The following RIPOR3 variants were observed in gnomAD, a reference collection of about 807,000 sequenced individuals.
RIPOR3 encodes RIPOR family member 3.
In RIPOR3, 95 loss-of-function variants were observed where a neutral mutation model predicts 114.3. The observed-to-expected ratio is 0.83, with a 90% CI of 0.70 to 0.99. The LOEUF (loss-of-function observed/expected upper bound fraction) is 0.99, where lower values mean the gene tolerates loss of function less well. Ranked by LOEUF, RIPOR3 falls within the 50% of genes least tolerant of loss-of-function variation. The pLI is 0.00. For synonymous variants in RIPOR3, 575 were observed against 543.8 expected (o/e 1.06, Z -0.80); for missense variants, 1,252 against 1,266.9 (o/e 0.99, Z 0.18).
intron 1 of RIPOR3, among the ~76,000 whole-genome samples, chr20:50,644,906 C>A (rs1469421271): frequency 6.6e-6 from 1 of 150,584 alleles, no homozygotes; most frequent in Non-Finnish European, 1.5e-5. Context: ...GGGGCGCAAT[C>A]TTGGCTCATT....
In RIPOR3 at chr20:50,594,546, A is replaced by G. The variant is rs759347836; in HGVS notation, c.2212+7T>C. 2 of 1,612,752 alleles carry G rather than the reference A, an allele frequency of 1.2e-6. No individual in the cohort carries two copies. The highest frequency in any genetic ancestry group is 1.7e-6 in the Non-Finnish European group (2 of 1,179,112). On this transcript the variant is annotated splice_region_variant and intron_variant, in intron 17 of 21. Coordinates refer to ENST00000327979, the MANE Select transcript of RIPOR3 (RefSeq NM_001290268.2). ...GGGAGGGGACGACAGGACAGAAGGG[A>G]ACCCACCTATTTCCAGCTGTCCTGG...
intron 1 of RIPOR3, among the ~76,000 whole-genome samples, chr20:50,654,961 T>G (rs1009667083): frequency 6.6e-6 from 1 of 152,208 alleles, no homozygotes; most frequent in African/African-American, 2.4e-5. Context: ...CCATGGCTGG[T>G]CTCAAACTCC....
chr20:50,688,142 T>G (rs1299663884), intron 1 of RIPOR3, among the ~76,000 whole-genome samples: 1 of 152,108 alleles, frequency 6.6e-6, no homozygotes, highest in Non-Finnish European at 1.5e-5. Context: ...AATTTCTAAT[T>G]ATTTGTTTAT....
intron 1 of RIPOR3, among the ~76,000 whole-genome samples, chr20:50,682,097 A>G (rs2086878883): frequency 6.6e-6 from 1 of 152,224 alleles, no homozygotes; most frequent in Non-Finnish European, 1.5e-5. Context: ...AACTTGAGAC[A>G]CACTCCTGTA....
intron 1 of RIPOR3, chr20:50,662,049 ACAT>A (rs2086016229): frequency 6.6e-6 from 1 of 152,428 alleles, no homozygotes; most frequent in African/African-American, 2.4e-5. Flanking sequence ...GCCCCTCCAG[ACAT>A]CCCTGGGAGG....
At chr20:50,614,270 G>A (rs1303671384) in intron 4 of RIPOR3, among the ~76,000 whole-genome samples, 1 of 152,046 alleles carries the variant, frequency 6.6e-6, no homozygotes, top group Non-Finnish European at 1.5e-5. Context: ...TCCTGATCTC[G>A]AGTGATCCAC....
chr20:50,603,767 G>A (rs1342730109), intron 12 of RIPOR3, among the ~76,000 whole-genome samples: 1 of 152,186 alleles, frequency 6.6e-6, no homozygotes, highest in Non-Finnish European at 1.5e-5. Flanking sequence ...ACACGGACAC[G>A]AACCCTTACC....
intron 12 of RIPOR3, among the ~76,000 whole-genome samples, chr20:50,603,955 G>A (rs930364659): frequency 6.6e-6 from 1 of 152,178 alleles, no homozygotes; most frequent in Non-Finnish European, 1.5e-5. Flanking sequence ...GCCGAGGCGG[G>A]TGGATCACCT....
At chr20:50,597,779 G>C in intron 13 of RIPOR3, 69 bp from the exon 14 acceptor site, 1 of 1,561,452 alleles carries the variant, frequency 6.4e-7, no homozygotes, top group Non-Finnish European at 8.7e-7. Flanking sequence ...CACTGGCCAG[G>C]GGCCTCACGG....
At chr20:50,615,164 C>T (rs2084122375) in intron 4 of RIPOR3, among the ~76,000 whole-genome samples, 1 of 131,236 alleles carries the variant, frequency 7.6e-6, no homozygotes, top group South Asian at 2.5e-4. Flanking sequence ...TCGGTCTCTG[C>T]TAAGGGAGAG....
Position 50,602,299 on chromosome 20 carries a change from C to G in RIPOR3, c.1432G>C (p.Gly478Arg), listed in dbSNP as rs770515279. 1 of 1,613,782 alleles carries G rather than the reference C, an allele frequency of 6.2e-7. No individual in the cohort carries two copies. The highest frequency in any genetic ancestry group is 1.7e-5 in the Admixed American group (1 of 59,998). The change falls in exon 13 of 22, where the codon GGG (glycine) becomes CGG (arginine). Residue 478 changes from glycine (G) to arginine (R), a missense_variant. Physicochemically the swap from Gly to Arg is moderately radical, Grantham distance 125 (BLOSUM62 -2). Coordinates refer to ENST00000327979, the MANE Select transcript of RIPOR3 (RefSeq NM_001290268.2). This position sits in a 1 kb window ranked among gnomAD's most constrained non-coding sequence, Gnocchi z 4.3. ...AEQPGWRNLG[G>R]ESPSLPQGSL... ...CCCTGTGGCAGGCTGGGGCTCTCCCCTCCTAAGTTCCTCCAGCCAGGCTGC... is the reference window on the plus strand; with the variant it reads ...CCCTGTGGCAGGCTGGGGCTCTCCCGTCCTAAGTTCCTCCAGCCAGGCTGC...
chr20:50,666,253 C>T (rs998406125), intron 1 of RIPOR3, among the ~76,000 whole-genome samples: 1 of 53,378 alleles, frequency 1.9e-5, no homozygotes, highest in African/African-American at 4.6e-5. Context: ...CTCTGTTGCC[C>T]AGAGTCACGC....
Position 50,602,713 on chromosome 20 carries a change from T to C in RIPOR3, c.1087-69A>G. On this transcript the variant is annotated intron_variant, in intron 12 of 21. Transcript: ENST00000327979. This position sits in a 1 kb window ranked among gnomAD's most constrained non-coding sequence, Gnocchi z 4.3. ...ACCACAGCAAGTCCCCCAGAGGGGC[T>C]TCCCCTGACAGACACCCGCTGTGCA... 3.2e-6 allele frequency: 4 copies of C among 1,236,878 alleles called. No homozygotes were observed. Among genetic ancestry groups the C allele is most frequent in the Non-Finnish European group, 4.3e-6 (4 of 938,762 alleles). The allele number at this position is 1,236,878 out of a possible 1,614,324, so 76.6% of individuals were successfully genotyped here.
At chr20:50,590,668 C>A (rs1007771792) in intron 19 of RIPOR3, among the ~76,000 whole-genome samples, 1 of 152,186 alleles carries the variant, frequency 6.6e-6, no homozygotes, top group African/African-American at 2.4e-5. Context: ...TGTCACACTG[C>A]CCACTGCCTC....
chr20:50,609,086 C>T (rs1037702729), intron 8 of RIPOR3, 131 bp from the exon 9 acceptor site: 4 of 1,366,706 alleles, frequency 2.9e-6, no homozygotes, highest in African/African-American at 2.9e-5. Flanking sequence ...GGGAGGTACA[C>T]CATCATGATG....
At chr20:50,663,203 C>G (rs1336335367) in intron 1 of RIPOR3, among the ~76,000 whole-genome samples, 1 of 152,072 alleles carries the variant, frequency 6.6e-6, no homozygotes, top group East Asian at 1.9e-4. Flanking sequence ...GATTCTGCCT[C>G]CAAGGCCACA....
chr20:50,608,021 G>A (rs1286146154), intron 11 of RIPOR3, among the ~76,000 whole-genome samples: 1 of 152,178 alleles, frequency 6.6e-6, no homozygotes, highest in African/African-American at 2.4e-5. Context: ...CAGGCCAAGG[G>A]GGCAGCCAGG....
At chr20:50,640,184 C>A (rs1224213108) in intron 1 of RIPOR3, among the ~76,000 whole-genome samples, 1 of 152,216 alleles carries the variant, frequency 6.6e-6, no homozygotes, top group Non-Finnish European at 1.5e-5. Flanking sequence ...GGCCCTGGGT[C>A]TGCGGCTCCC....
chr20:50,596,120 A>G lies in RIPOR3; in HGVS notation c.1914+20T>C. Reference sequence around the variant, plus strand: ...AAACCCCTGTCTGCCCCTCCCTGACAAGTCCCCTAGCCCAGCCACCTGCAG... The same window carrying G: ...AAACCCCTGTCTGCCCCTCCCTGACGAGTCCCCTAGCCCAGCCACCTGCAG... On this transcript the variant is annotated intron_variant, in intron 15 of 21. Coordinates refer to ENST00000327979, the MANE Select transcript of RIPOR3 (RefSeq NM_001290268.2). The G allele has an allele frequency of 6.2e-7, 1 of 1,613,918 alleles. No homozygotes were observed. The highest frequency in any genetic ancestry group is 8.5e-7 in the Non-Finnish European group (1 of 1,179,956).
Sources: gnomAD v4.1 joint callset for allele counts (sites outside exome capture counted in the v4.1 genomes callset) on GRCh38, gnomAD v4.1.1 for gene constraint, Gnocchi (gnomAD v3.1) non-coding constraint, MANE v1.5 for transcripts, NCBI Gene and HGNC (gene_info 2026-07-23, HGNC 2026-07-21) for gene names.